The following ADRA1A variants were observed in gnomAD, a reference collection of about 807,000 sequenced individuals.
ADRA1A encodes the protein adrenoceptor alpha 1A.
Under a neutral mutation model 29.6 loss-of-function variants are expected in ADRA1A, and 31 were observed. The ratio of observed to expected loss-of-function variants is 1.05; its 90% CI spans 0.79 to 1.41. The LOEUF is 1.41. Ranked by LOEUF, ADRA1A falls within the 40% of genes most tolerant of loss-of-function variation. The pLI, the probability that ADRA1A is intolerant of heterozygous loss-of-function variation, is 0.00. For synonymous variants in ADRA1A, 311 were observed against 254.3 expected (o/e 1.22, Z -2.12); for missense variants, 619 against 601.1 (o/e 1.03, Z -0.31).
At chr8:26,858,858 G>A (rs772935196) in intron 2 of ADRA1A, among the ~76,000 whole-genome samples, 2 of 152,154 alleles carry the variant, frequency 1.3e-5, no homozygotes, top group Non-Finnish European at 2.9e-5. Flanking sequence ...TGCAAAAATG[G>A]AACAAGATTA....
intron 2 of ADRA1A, among the ~76,000 whole-genome samples, chr8:26,858,118 C>T (rs1030199280): frequency 1.3e-5 from 2 of 152,196 alleles, no homozygotes; most frequent in Non-Finnish European, 2.9e-5. Flanking sequence ...TATCAATGTG[C>T]TGCCTCCTGT....
At chr8:26,786,886 G>T in intron 2 of ADRA1A, among the ~76,000 whole-genome samples, 1 of 130,970 alleles carries the variant, frequency 7.6e-6, no homozygotes, top group Middle Eastern at 3.7e-3. Context: ...GATAGGATTT[G>T]TGCCTGGTAC....
chr8:26,749,026 G>C (rs886280096), intron 2 of ADRA1A, among the ~76,000 whole-genome samples: 1 of 152,176 alleles, frequency 6.6e-6, no homozygotes, highest in Admixed American at 6.5e-5. Context: ...TAAGGAATTT[G>C]TTAGGGGAGG....
chr8:26,780,454 A>G (rs1806888965), intron 2 of ADRA1A, among the ~76,000 whole-genome samples: 1 of 151,684 alleles, frequency 6.6e-6, no homozygotes, highest in Non-Finnish European at 1.5e-5. Context: ...TCTGCTCTTC[A>G]CTCAGTGACC....
At chr8:26,763,118 C>A (rs1298975783), downstream of ADRA1A, among the ~76,000 whole-genome samples, 1 of 152,040 alleles carries the variant, frequency 6.6e-6, no homozygotes, top group East Asian at 1.9e-4. The surrounding 1 kb of genome is among the most constrained non-coding windows in gnomAD (Gnocchi z 4.5). Context: ...ATTCTGCATC[C>A]TATCTGTCAT....
chr8:26,754,272 A>G (rs192226468), downstream of ADRA1A, among the ~76,000 whole-genome samples: 80 of 152,352 alleles, frequency 5.3e-4, no homozygotes, highest in African/African-American at 1.8e-3. Flanking sequence ...ATAATGATTC[A>G]CACACATAAA....
At chr8:26,768,762 G>T, downstream of ADRA1A, 1 of 403,312 alleles carries the variant, frequency 2.5e-6, no homozygotes, top group Non-Finnish European at 3.4e-6. Flanking sequence ...TCTGTAATCT[G>T]AAACACTTCT....
At chr8:26,840,445 C>A (rs1169196175) in intron 2 of ADRA1A, among the ~76,000 whole-genome samples, 2 of 152,188 alleles carry the variant, frequency 1.3e-5, no homozygotes, top group Non-Finnish European at 2.9e-5. Flanking sequence ...ATGATGCAAA[C>A]CAGCTGGGGC....
In ADRA1A at chr8:26,769,808, C is replaced by A; in HGVS notation, c.*341G>T. On this transcript the variant is annotated 3_prime_UTR_variant, in exon 3 of 3. Transcript: ENST00000380573. ...ACTTAGAGTGTGTGCTCAAAATATT[C>A]ATGATGAAATCATAATCCTATATTT... is the stretch of plus-strand genomic sequence containing the variant. 1 of 1,029,184 alleles carries A rather than the reference C, an allele frequency of 9.7e-7. No homozygotes were observed. The highest frequency in any genetic ancestry group is 1.2e-6 in the Non-Finnish European group (1 of 859,422). 63.8% of individuals were successfully genotyped at this position (1,029,184 alleles called of 1,614,324 possible). A position where few individuals can be genotyped will look rare whatever the true frequency, so the allele number is the denominator to read the frequency against.
chr8:26,751,069 C>CA (rs35234230), intron 2 of ADRA1A, among the ~76,000 whole-genome samples: 76,516 of 138,152 alleles, frequency 0.55, 21,671 homozygotes, highest in Non-Finnish European at 0.65. Context: ...AACTCTGTCT[C>CA]AAAAAAAAAA....
chr8:26,799,355 A>G (rs1482825739), intron 2 of ADRA1A, among the ~76,000 whole-genome samples: 1 of 152,160 alleles, frequency 6.6e-6, no homozygotes, highest in Non-Finnish European at 1.5e-5. Flanking sequence ...GAGAAAACAG[A>G]GGTTGTCACC....
At chr8:26,838,979 C>A (rs938065803) in intron 2 of ADRA1A, among the ~76,000 whole-genome samples, 2 of 152,194 alleles carry the variant, frequency 1.3e-5, no homozygotes, top group Middle Eastern at 3.4e-3. Flanking sequence ...AGATATTAAA[C>A]CCAGTATAAT....
intron 2 of ADRA1A, among the ~76,000 whole-genome samples, chr8:26,822,281 G>A (rs1193501539): frequency 1.3e-5 from 2 of 152,144 alleles, no homozygotes; most frequent in Non-Finnish European, 2.9e-5. Flanking sequence ...ATCTCTCCAA[G>A]ACTCAGCTTC....
chr8:26,861,303 GTT>G (rs35538353), intron 2 of ADRA1A, among the ~76,000 whole-genome samples: 20 of 119,696 alleles, frequency 1.7e-4, no homozygotes, highest in South Asian at 2.9e-4. Flanking sequence ...CAGAGGCTCT[GTT>G]TTTTTTTTTT....
In ADRA1A at chr8:26,770,035, G is replaced by T; in HGVS notation, c.*114C>A. 1 of 1,480,980 alleles carries T rather than the reference G, an allele frequency of 6.8e-7. No homozygotes were observed. Among genetic ancestry groups the T allele is most frequent in the Middle Eastern group, 2.1e-4 (1 of 4,746 alleles). 91.7% of individuals were successfully genotyped at this position (1,480,980 alleles called of 1,614,324 possible). A position where few individuals can be genotyped will look rare whatever the true frequency, so the allele number is the denominator to read the frequency against. On this transcript the variant is annotated 3_prime_UTR_variant, in exon 3 of 3. Transcript: ENST00000380573. ...GGGTCTACCACCCACCCCATTCCCAGCAGGTCCCCTCTTTGATTGGTCCTG... is the reference window on the plus strand; with the variant it reads ...GGGTCTACCACCCACCCCATTCCCATCAGGTCCCCTCTTTGATTGGTCCTG...
At chr8:26,767,471 T>C (rs762707709), downstream of ADRA1A, among the ~76,000 whole-genome samples, 1 of 152,214 alleles carries the variant, frequency 6.6e-6, no homozygotes, top group Non-Finnish European at 1.5e-5. Flanking sequence ...GTAAATTTGG[T>C]GTATCATGCT....
chr8:26,840,114 A>G (rs1326869439), intron 2 of ADRA1A, among the ~76,000 whole-genome samples: 1 of 152,258 alleles, frequency 6.6e-6, no homozygotes, highest in Non-Finnish European at 1.5e-5. Context: ...CTATTGCTCA[A>G]GAACATTCGA....
At chr8:26,756,776 G>A in exon 3 of ADRA1A, 1 of 1,613,536 alleles carries the variant, frequency 6.2e-7, no homozygotes, top group Non-Finnish European at 8.5e-7. Flanking sequence ...ATGGGTGTGT[G>A]TCCCTTTAAA....
chr8:26,814,357 C>T (rs977581561), intron 2 of ADRA1A, among the ~76,000 whole-genome samples: 2 of 152,172 alleles, frequency 1.3e-5, no homozygotes, highest in African/African-American at 2.4e-5. Context: ...AATCTTCCCA[C>T]CTCAGCCTCC....
Sources: gnomAD v4.1 joint callset for allele counts (sites outside exome capture counted in the v4.1 genomes callset) on GRCh38, gnomAD v4.1.1 for gene constraint, Gnocchi (gnomAD v3.1) non-coding constraint, MANE v1.5 for transcripts, NCBI Gene and HGNC (gene_info 2026-07-23, HGNC 2026-07-21) for gene names.